SATL1: variants seen among roughly 807,000 people sequenced by gnomAD.
The protein encoded by SATL1 is spermidine/spermine N(1)-acetyltransferase-like protein 1.
Under a neutral mutation model 51.8 loss-of-function variants are expected in SATL1, and 47 were observed. The observed-to-expected ratio is 0.91, with a 90% CI of 0.72 to 1.16. SATL1 has a LOEUF of 1.16. SATL1 is among the 50% of genes most tolerant of loss of function. SATL1 has a pLI of 0.00. For missense variants in SATL1, 520 were observed against 526.4 expected, an observed-to-expected ratio of 0.99 and a Z score of 0.12; for synonymous variants, 176 against 182.4, an observed-to-expected ratio of 0.97 and a Z score of 0.28.
At chrX:85,181,590 C>A (rs997166082) in intron 2 of SATL1, among the ~76,000 whole-genome samples, 2 of 110,658 alleles carry the variant, frequency 1.8e-5, no homozygotes, top group South Asian at 7.6e-4. Context: ...ACTCTGAAAG[C>A]AAAACCTGAA....
At chrX:85,176,583 A>G (rs1030430292) in intron 2 of SATL1, among the ~76,000 whole-genome samples, 3 of 111,906 alleles carry the variant, frequency 2.7e-5, no homozygotes, top group African/African-American at 9.7e-5. Flanking sequence ...AGATATGCTA[A>G]GTGAACAAAA....
intron 2 of SATL1, among the ~76,000 whole-genome samples, chrX:85,135,862 G>A (rs2147710252): frequency 9.1e-6 from 1 of 110,321 alleles, no homozygotes; most frequent in East Asian, 2.9e-4. Flanking sequence ...TTATAGGCAT[G>A]AGCTACTGTG....
rs373938973 is a variant in SATL1 at position 85,163,894 on chromosome X, G to A, written c.-312-54614C>T. On this transcript the variant is annotated intron_variant, in intron 2 of 7. Coordinates refer to ENST00000644105, the MANE Select transcript of SATL1 (RefSeq NM_001367857.2). ...CACTATTATTGTCTTGCGGTCTGTC[G>A]CATTTCTTAAGTCTAGTAGTAATCA... Among the ~76,000 whole-genome samples, 29 of 111,803 alleles carry A rather than the reference G, an allele frequency of 2.6e-4. No homozygotes were observed. The East Asian group carries it at 3.6e-3, about 14-fold the overall frequency.
At chrX:85,161,996 G>C (rs1397548437) in intron 2 of SATL1, among the ~76,000 whole-genome samples, 3 of 111,561 alleles carry the variant, frequency 2.7e-5, no homozygotes, top group Non-Finnish European at 5.7e-5. Context: ...ATTAGAAATC[G>C]AGACTAAGAA....
At chrX:85,187,913 T>A (rs545462844) in intron 2 of SATL1, among the ~76,000 whole-genome samples, 2 of 111,287 alleles carry the variant, frequency 1.8e-5, no homozygotes, top group African/African-American at 6.5e-5. Context: ...TTAATTTCTC[T>A]TTAATGTTTT....
chrX:85,200,960 G>A (rs1185803439), intron 2 of SATL1, among the ~76,000 whole-genome samples: 1 of 110,763 alleles, frequency 9.0e-6, no homozygotes, highest in East Asian at 2.8e-4. Context: ...AATCTGTGAG[G>A]AACATGAGTC....
At chrX:85,172,497 T>A (rs930125253) in intron 2 of SATL1, among the ~76,000 whole-genome samples, 2 of 110,932 alleles carry the variant, frequency 1.8e-5, no homozygotes, top group Non-Finnish European at 3.8e-5. Context: ...TCAAATAGTA[T>A]GAATACTAGA....
intron 2 of SATL1, among the ~76,000 whole-genome samples, chrX:85,130,047 C>T (rs1218373870): frequency 8.9e-6 from 1 of 111,778 alleles, no homozygotes; most frequent in African/African-American, 3.3e-5. Flanking sequence ...ATTCGTTTTG[C>T]CAGCATTTTA....
At chrX:85,105,192 C>T (rs1352708739) in intron 3 of SATL1, among the ~76,000 whole-genome samples, 2 of 111,358 alleles carry the variant, frequency 1.8e-5, no homozygotes, top group African/African-American at 6.5e-5. Context: ...GGCCAGATTA[C>T]ATAGAGCATT....
intron 2 of SATL1, among the ~76,000 whole-genome samples, chrX:85,131,330 C>T (rs1478968398): frequency 9.0e-6 from 1 of 111,658 alleles, no homozygotes; most frequent in Non-Finnish European, 1.9e-5. Context: ...TCTGGGTGCT[C>T]CTGTATTGGG....
chrX:85,206,910 G>T (rs1264604537), intron 2 of SATL1, among the ~76,000 whole-genome samples: 2 of 111,468 alleles, frequency 1.8e-5, no homozygotes, highest in East Asian at 5.7e-4. Context: ...AGCAGAGAAA[G>T]TTTATTCACA....
At chrX:85,221,062 T>C (rs1201932038) in intron 2 of SATL1, among the ~76,000 whole-genome samples, 1 of 111,449 alleles carries the variant, frequency 9.0e-6, no homozygotes, top group Non-Finnish European at 1.9e-5. Flanking sequence ...AATATTTTAA[T>C]ATACATGCCT....
chrX:85,103,774 C>T (rs1924958820), intron 4 of SATL1, 90 bp downstream of exon 4: 1 of 614,423 alleles, frequency 1.6e-6, no homozygotes, highest in African/African-American at 2.2e-5. Flanking sequence ...ATGGTGTCAT[C>T]TTTATGTACC....
rs752260174 is a variant in SATL1, at chrX:85,166,157, C to G, written c.-312-56877G>C. Reference sequence around the variant, plus strand: ...TGGATCAAAGACTTAAATCTAAGACCCCAAACCACAAAAATTCTAGAAGAT... The same window carrying G: ...TGGATCAAAGACTTAAATCTAAGACGCCAAACCACAAAAATTCTAGAAGAT... On this transcript the variant is annotated intron_variant, in intron 2 of 7. Coordinates refer to ENST00000644105, the MANE Select transcript of SATL1 (RefSeq NM_001367857.2). 1.5e-4 allele frequency among the ~76,000 whole-genome samples: 17 copies of G among 111,186 alleles called. No homozygotes were observed. The East Asian group carries it at 4.8e-3, about 32-fold the overall frequency.
At chrX:85,115,944 C>A (rs1925375587) in intron 2 of SATL1, among the ~76,000 whole-genome samples, 1 of 111,152 alleles carries the variant, frequency 9.0e-6, no homozygotes, top group Non-Finnish European at 1.9e-5. Flanking sequence ...CCAGGGGGAG[C>A]AGAGCCATTT....
chrX:85,123,819 C>G (rs895499807), intron 2 of SATL1, among the ~76,000 whole-genome samples: 4 of 111,381 alleles, frequency 3.6e-5, no homozygotes, highest in African/African-American at 1.3e-4. Context: ...TAATTGCCAA[C>G]TATGATTTCA....
At chrX:85,146,860 C>A (rs1038722149) in intron 2 of SATL1, among the ~76,000 whole-genome samples, 7 of 112,632 alleles carry the variant, frequency 6.2e-5, no homozygotes, top group Admixed American at 9.4e-5. Flanking sequence ...CGAATAGGAA[C>A]AACTCCGGTC....
chrX:85,128,238 G>C (rs1925680770), intron 2 of SATL1, among the ~76,000 whole-genome samples: 2 of 111,818 alleles, frequency 1.8e-5, no homozygotes, highest in South Asian at 7.6e-4. Flanking sequence ...TCCCACAATG[G>C]TTGAACTAAT....
At chrX:85,221,533 C>G (rs1928177224) in intron 2 of SATL1, among the ~76,000 whole-genome samples, 1 of 111,918 alleles carries the variant, frequency 8.9e-6, no homozygotes, top group African/African-American at 3.2e-5. Context: ...ACTTCACTTA[C>G]CACTCTCCAT....
Sources: gnomAD v4.1 joint callset for allele counts (sites outside exome capture counted in the v4.1 genomes callset) on GRCh38, gnomAD v4.1.1 for gene constraint, MANE v1.5 for transcripts, NCBI Gene and HGNC (gene_info 2026-07-23, HGNC 2026-07-21) for gene names.